The following MFNG variants were observed in gnomAD, a reference collection of about 807,000 sequenced individuals.
MFNG encodes the protein MFNG O-fucosylpeptide 3-beta-N-acetylglucosaminyltransferase.
A neutral mutation model predicts 34.2 loss-of-function variants in MFNG; 24 were observed. The observed-to-expected ratio is 0.70, with a 90% CI of 0.51 to 0.99. The LOEUF is 0.99. Among genes scored for constraint, MFNG ranks in the 50% least tolerant of loss-of-function variants. The pLI, the probability that MFNG is intolerant of heterozygous loss-of-function variation, is 0.00. For synonymous variants in MFNG, 158 were observed against 179.2 expected, an observed-to-expected ratio of 0.88 and a Z score of 0.94; for missense variants, 383 against 424.0, an observed-to-expected ratio of 0.90 and a Z score of 0.85.
intron 5 of MFNG, among the ~76,000 whole-genome samples, chr22:37,475,145 G>A (rs929508836): frequency 6.6e-6 from 1 of 152,192 alleles, no homozygotes; most frequent in Non-Finnish European, 1.5e-5. Flanking sequence ...AGGGAAGCAT[G>A]CTGCCTGGGG....
rs934231147 is a variant in MFNG, at chr22:37,485,015, C to T, written c.255+908G>A. Among the ~76,000 whole-genome samples, 5 of 152,064 alleles carry T rather than the reference C, an allele frequency of 3.3e-5. No homozygotes were observed. Among genetic ancestry groups the T allele is most frequent in the Admixed American group, 3.3e-4 (5 of 15,278 alleles). On this transcript the variant is annotated intron_variant, in intron 1 of 7. Coordinates refer to ENST00000356998, the MANE Select transcript of MFNG (RefSeq NM_002405.4). This position sits in a 1 kb window ranked among gnomAD's most constrained non-coding sequence, Gnocchi z 5.3. ...TGTGTGTGTACCCATTCTCCACCTC[C>T]CCCATCAACGGTCCCTAACACCGAC...
intron 5 of MFNG, among the ~76,000 whole-genome samples, chr22:37,475,685 GCCTGCACTCCCC>G (rs1922005537): frequency 1.3e-5 from 2 of 150,644 alleles, no homozygotes; most frequent in African/African-American, 2.5e-5. Flanking sequence ...CCCCTCCCCA[GCCTGCACTCCCC>G]TCCCCAGCCT....
At position 37,483,104 on chromosome 22, in the gene MFNG, G is replaced by C. The variant is rs1601800506; in HGVS notation, c.256-2335C>G. On this transcript the variant is annotated intron_variant, in intron 1 of 7. Transcript: ENST00000356998. The surrounding 1 kb of genome is among the most constrained non-coding windows in gnomAD (Gnocchi z 4.5). The stretch of plus-strand genomic sequence containing the variant: ...TGAGCCCCCGTTCTCCCCAAGACCT[G>C]CTCCTCCCTCTCACTGGTTGGGACC... Among the ~76,000 whole-genome samples, 1 of 152,088 alleles carries C rather than the reference G, an allele frequency of 6.6e-6. No homozygotes were observed. Among genetic ancestry groups the C allele is most frequent in the Non-Finnish European group, 1.5e-5 (1 of 67,992 alleles).
At chr22:37,477,434 A>G (rs896249137) in intron 4 of MFNG, among the ~76,000 whole-genome samples, 7 of 152,058 alleles carry the variant, frequency 4.6e-5, no homozygotes, top group African/African-American at 9.7e-5. Flanking sequence ...GCTGTGTCCA[A>G]TACAAATCAC....
intron 1 of MFNG, among the ~76,000 whole-genome samples, chr22:37,484,983 G>C (rs1418345376): frequency 6.6e-6 from 1 of 152,084 alleles, no homozygotes; most frequent in East Asian, 1.9e-4. Flanking sequence ...GTGTGTGTGT[G>C]TGTGTGTGTG....
chr22:37,476,021 C>G (rs1447599460), intron 5 of MFNG, among the ~76,000 whole-genome samples: 2 of 152,184 alleles, frequency 1.3e-5, no homozygotes, highest in African/African-American at 4.8e-5. Context: ...GACCTTGAAC[C>G]TGGCTGACCT....
chr22:37,471,786 G>A (rs1238951862), intron 7 of MFNG, among the ~76,000 whole-genome samples: 8 of 128,776 alleles, frequency 6.2e-5, no homozygotes, highest in South Asian at 5.5e-4. Flanking sequence ...AGTCGAGATC[G>A]CACCACTGCA....
rs147720608 is a variant in MFNG, at chr22:37,486,023, T to C, written c.155A>G (p.Gln52Arg). The C allele has an allele frequency of 1.3e-4, 215 of 1,614,042 alleles. No homozygotes were observed. The highest frequency in any genetic ancestry group is 1.7e-4 in the Non-Finnish European group (206 of 1,179,958). ...SQPNPGPPKL[Q>R]LHDVFIAVKT... ...CACTGCAATGAAGACATCGTGTAGC[T>C]GTAGCTTAGGGGGCCCCGGGTTCGG... The change falls in exon 1 of 8, where the codon CAG becomes CGG. Residue 52 changes from glutamine to arginine, a missense_variant. Gln to Arg is a conservative substitution (Grantham distance 43, BLOSUM62 1). Transcript: ENST00000356998.
chr22:37,474,256 T>C (rs1921938927), intron 6 of MFNG, among the ~76,000 whole-genome samples: 1 of 152,114 alleles, frequency 6.6e-6, no homozygotes. Context: ...TTCCCGGCAT[T>C]TGAGGACCAG....
chr22:37,472,379 C>G, intron 7 of MFNG, 64 bp downstream of exon 7: 1 of 1,256,434 alleles, frequency 8.0e-7, no homozygotes, highest in Non-Finnish European at 1.1e-6. Context: ...CCAGCTCCCC[C>G]ATGTTTGGAT....
In MFNG at chr22:37,469,900, C is replaced by T; in HGVS notation, c.*63G>A. On this transcript the variant is annotated 3_prime_UTR_variant, in exon 8 of 8. Transcript: ENST00000356998. ...AGACACTTGCCAGGGACCCACAGTGCCACCTTGGGAGCCAAGGCACACCCA... is the reference window on the plus strand; with the variant it reads ...AGACACTTGCCAGGGACCCACAGTGTCACCTTGGGAGCCAAGGCACACCCA... 7.5e-7 allele frequency: 1 copy of T among 1,338,376 alleles called. No individual in the cohort carries two copies. Among genetic ancestry groups the T allele is most frequent in the Non-Finnish European group, 1.1e-6 (1 of 949,568 alleles). 82.9% of individuals were successfully genotyped at this position (1,338,376 alleles called of 1,614,324 possible).
chr22:37,472,695 C>T (rs2145726553), intron 6 of MFNG, 167 bp from the exon 7 acceptor site: 1 of 575,476 alleles, frequency 1.7e-6, no homozygotes, highest in East Asian at 3.4e-5. Context: ...CAAGGCACTT[C>T]ACAGCTGGAA....
chr22:37,486,133 G>A lies in MFNG; in HGVS notation c.45C>T (p.Thr15=), dbSNP rs77701703. Reference sequence around the variant, plus strand: ...GACACAGGAGCCCCATGCACAGGAGGGTGAGGAGGGCTCCAGCCAGGCCCC... The same window carrying A: ...GACACAGGAGCCCCATGCACAGGAGAGTGAGGAGGGCTCCAGCCAGGCCCC... ...LPRGLAGALL[T]LLCMGLLCLR... is the part of the protein sequence containing the mutation. The change falls in exon 1 of 8, where the codon ACC becomes ACT. Residue 15 remains threonine, a synonymous_variant. Transcript: ENST00000356998. 2,132 of 1,601,184 alleles carry A rather than the reference G, an allele frequency of 1.3e-3. 2 individuals are homozygous for A. The highest frequency in any genetic ancestry group is 1.7e-3 in the Non-Finnish European group (1,976 of 1,170,790).
chr22:37,475,510 C>T (rs1170000601), intron 5 of MFNG, among the ~76,000 whole-genome samples: 1 of 152,192 alleles, frequency 6.6e-6, no homozygotes, highest in African/African-American at 2.4e-5. Flanking sequence ...AGGCATGAGC[C>T]ACCTAAACAG....
rs1922376878 is a variant in MFNG at position 37,483,135 on chromosome 22, C to T, written c.256-2366G>A. ...CCCTCTCACTGGTTGGGACCCAAAA[C>T]CTCAGACTCCCCGCTCCTCCTCTCT... On this transcript the variant is annotated intron_variant, in intron 1 of 7. Transcript: ENST00000356998. The surrounding 1 kb of genome is among the most constrained non-coding windows in gnomAD (Gnocchi z 4.5). Among the ~76,000 whole-genome samples the T allele has an allele frequency of 6.6e-6, 1 of 152,178 alleles. No individual in the cohort carries two copies. Among genetic ancestry groups the T allele is most frequent in the African/African-American group, 2.4e-5 (1 of 41,446 alleles).
rs1053851345 is a variant in MFNG, at chr22:37,486,363, C to T, written c.-186G>A. On this transcript the variant is annotated 5_prime_UTR_variant, in exon 1 of 8. Transcript: ENST00000356998. ...TGAGCCATGGCAGCACGATCTCGAC[C>T]GCCGCCAGTCCTCCACCTGCTCCCG... The T allele has an allele frequency of 1.0e-4, 55 of 530,766 alleles. No homozygotes were observed. The highest frequency in any genetic ancestry group is 9.6e-4 in the African/African-American group (49 of 50,988). 32.9% of individuals were successfully genotyped at this position (530,766 alleles called of 1,614,324 possible). A position where few individuals can be genotyped will look rare whatever the true frequency, so the allele number is the denominator to read the frequency against.
In MFNG at chr22:37,470,021, G is replaced by T; in HGVS notation, c.908C>A (p.Ser303Tyr). 6.2e-7 allele frequency: 1 copy of T among 1,606,504 alleles called. No individual in the cohort carries two copies. Among genetic ancestry groups the T allele is most frequent in the Non-Finnish European group, 8.5e-7 (1 of 1,175,968 alleles). ...SPEEDPSRFR[S>Y]LHCLLYPDTP... ...ATCTGGATAGAGCAGACAATGGAGGGAGCGAAATCTGCAGAGAGACCAGAA... is the reference window on the plus strand; with the variant it reads ...ATCTGGATAGAGCAGACAATGGAGGTAGCGAAATCTGCAGAGAGACCAGAA... The change falls in exon 8 of 8, where the codon TCC becomes TAC. Residue 303 changes from serine (S) to tyrosine (Y), a missense_variant. By Grantham distance (144) the Ser-to-Tyr change is moderately radical. Transcript: ENST00000356998.
At chr22:37,470,060 T>C in intron 7 of MFNG, 31 bp from the exon 8 acceptor site, 1 of 1,540,766 alleles carries the variant, frequency 6.5e-7, no homozygotes, top group South Asian at 1.2e-5. Context: ...GACAGGATGG[T>C]CACCCCCCAC....
chr22:37,485,778 G>A lies in MFNG; in HGVS notation c.255+145C>T. ...AGGCAGCCCCTAAAGCCCGGAAGAA[G>A]GAGAGAGGAAGAGGATCCCTGATTA... is the stretch of plus-strand genomic sequence containing the variant. On this transcript the variant is annotated intron_variant, in intron 1 of 7. Coordinates refer to ENST00000356998, the MANE Select transcript of MFNG (RefSeq NM_002405.4). This position sits in a 1 kb window ranked among gnomAD's most constrained non-coding sequence, Gnocchi z 5.3. 9.4e-7 allele frequency: 1 copy of A among 1,063,306 alleles called. No individual in the cohort carries two copies. Among genetic ancestry groups the A allele is most frequent in the Non-Finnish European group, 1.3e-6 (1 of 753,158 alleles). The allele number at this position is 1,063,306 out of a possible 1,614,324, so 65.9% of individuals were successfully genotyped here.
Sources: gnomAD v4.1 joint callset for allele counts (sites outside exome capture counted in the v4.1 genomes callset) on GRCh38, gnomAD v4.1.1 for gene constraint, Gnocchi (gnomAD v3.1) non-coding constraint, MANE v1.5 for transcripts, NCBI Gene and HGNC (gene_info 2026-07-23, HGNC 2026-07-21) for gene names.